The following PPP1R12A variants were observed in gnomAD, a reference collection of about 807,000 sequenced individuals.
PPP1R12A encodes myosin binding subunit.
A neutral mutation model predicts 139.6 loss-of-function variants in PPP1R12A; 19 were observed. The ratio of observed to expected loss-of-function variants is 0.14; its 90% CI spans 0.09 to 0.20. The LOEUF is 0.20. Among genes scored for constraint, PPP1R12A ranks in the 10% least tolerant of loss-of-function variants. The pLI is 1.00. For synonymous variants in PPP1R12A, 427 were observed against 420.6 expected, an observed-to-expected ratio of 1.02 and a Z score of -0.19; for missense variants, 925 against 1,211.5, an observed-to-expected ratio of 0.76 and a Z score of 3.51.
intron 1 of PPP1R12A, among the ~76,000 whole-genome samples, chr12:79,928,019 C>T (rs1204207295): frequency 1.3e-5 from 2 of 152,104 alleles, no homozygotes; most frequent in East Asian, 3.9e-4. Context: ...ATGGTAGTAA[C>T]AAAACAACGT....
chr12:79,824,607 CACTCATCAACTTA>C (rs1371900395), intron 5 of PPP1R12A, among the ~76,000 whole-genome samples: 4 of 152,164 alleles, frequency 2.6e-5, no homozygotes, highest in Non-Finnish European at 4.4e-5. Flanking sequence ...AAAAAAAGCA[CACTCATCAACTTA>C]ACTCATCAAC....
intron 2 of PPP1R12A, among the ~76,000 whole-genome samples, chr12:79,865,912 C>T (rs1410690549): frequency 1.3e-5 from 2 of 152,080 alleles, no homozygotes; most frequent in Non-Finnish European, 2.9e-5. Context: ...CTTATAGATT[C>T]AATGCTACCC....
chr12:79,812,425 G>A (rs112296888), intron 9 of PPP1R12A, among the ~76,000 whole-genome samples: 8 of 34,942 alleles, frequency 2.3e-4, no homozygotes, highest in Admixed American at 8.7e-4. Context: ...TGTGTGTAAC[G>A]TTCCTTATAC....
intron 23 of PPP1R12A, chr12:79,779,406 G>A (rs1463471335): frequency 1.7e-6 from 2 of 1,176,316 alleles, no homozygotes; most frequent in Non-Finnish European, 2.3e-6. Context: ...CTATTTCCAA[G>A]ACACTCTTTC....
At chr12:79,804,804 T>C (rs1415039268) in intron 14 of PPP1R12A, among the ~76,000 whole-genome samples, 2 of 152,158 alleles carry the variant, frequency 1.3e-5, no homozygotes, top group Non-Finnish European at 2.9e-5. Context: ...CTACTTTTCC[T>C]GCAATCTTGG....
At chr12:79,890,530 G>A (rs976538665) in intron 1 of PPP1R12A, among the ~76,000 whole-genome samples, 3 of 152,012 alleles carry the variant, frequency 2.0e-5, no homozygotes, top group Admixed American at 1.3e-4. Context: ...AATTTGAACC[G>A]TTACTTCAGT....
At chr12:79,797,468 A>G in intron 15 of PPP1R12A, 73 bp from the exon 16 acceptor site, 1 of 1,346,082 alleles carries the variant, frequency 7.4e-7, no homozygotes, top group Non-Finnish European at 1.0e-6. Flanking sequence ...TTAGAAATAG[A>G]TATATTACAT....
At chr12:79,858,586 A>G (rs1365307903) in intron 2 of PPP1R12A, among the ~76,000 whole-genome samples, 2 of 152,216 alleles carry the variant, frequency 1.3e-5, no homozygotes, top group Non-Finnish European at 2.9e-5. Flanking sequence ...CCTGAGCCTG[A>G]GCTCTTAACT....
At chr12:79,916,872 A>C (rs562863019) in intron 1 of PPP1R12A, among the ~76,000 whole-genome samples, 29 of 152,032 alleles carry the variant, frequency 1.9e-4, no homozygotes, top group African/African-American at 7.0e-4. Flanking sequence ...GGGAATAGCC[A>C]TTTAGGCATT....
At chr12:79,778,429 G>T in intron 24 of PPP1R12A, 121 bp downstream of exon 24, 1 of 660,174 alleles carries the variant, frequency 1.5e-6, no homozygotes, top group Non-Finnish European at 2.3e-6. Flanking sequence ...ACCAGATATA[G>T]ACAGTTCACA....
At chr12:79,876,655 C>T (rs981296651) in intron 1 of PPP1R12A, among the ~76,000 whole-genome samples, 2 of 152,162 alleles carry the variant, frequency 1.3e-5, no homozygotes, top group African/African-American at 4.8e-5. Context: ...AATAAATTTT[C>T]CTTAACTACC....
In PPP1R12A at chr12:79,809,405, T is replaced by C. The variant is rs555771240; in HGVS notation, c.1455+390A>G. On this transcript the variant is annotated intron_variant, in intron 10 of 24. Transcript: ENST00000450142. The stretch of plus-strand genomic sequence containing the variant: ...ATGGTAGATGAAAAATCTGGTATTT[T>C]TTTTCAGATACTGAATAAATGTAAC... Among the ~76,000 whole-genome samples the C allele has an allele frequency of 4.3e-4, 66 of 152,292 alleles. 1 individual carries two copies. The South Asian group carries it at 0.012, about 27-fold the overall frequency.
At chr12:79,862,653 G>A (rs540982199) in intron 2 of PPP1R12A, among the ~76,000 whole-genome samples, 3 of 152,150 alleles carry the variant, frequency 2.0e-5, no homozygotes, top group African/African-American at 4.8e-5. Context: ...ACCACAGTAC[G>A]AGAACTTCAT....
chr12:79,926,970 G>C (rs1379787999), intron 1 of PPP1R12A, among the ~76,000 whole-genome samples: 2 of 152,190 alleles, frequency 1.3e-5, no homozygotes, highest in Non-Finnish European at 2.9e-5. Flanking sequence ...GCTGAGGTGG[G>C]AGGATCACTT....
Position 79,872,911 on chromosome 12 carries a change from C to T in PPP1R12A, c.265G>A (p.Val89Met), listed in dbSNP as rs756487410. The T allele has an allele frequency of 1.2e-6, 2 of 1,613,072 alleles. No homozygotes were observed. Among genetic ancestry groups the T allele is most frequent in the African/African-American group, 1.3e-5 (1 of 74,854 alleles). Residue 89 changes from valine to methionine, a missense_variant, in exon 2 of 25, where the codon GTG becomes ATG. Physicochemically the swap from Val to Met is conservative, Grantham distance 21 (BLOSUM62 1). This residue lies in a region of PPP1R12A where 199 missense variants were observed against 352.4 expected (regional missense o/e 0.56). Transcript: ENST00000450142. ...QACIDDNVDM[V>M]KFLVENGANI... is the part of the protein sequence containing the mutation. ...GCTCCATTTTCTACCAGAAACTTCA[C>T]CATATCAACATTGTCATCAATGCAA...
At chr12:79,896,791 G>T (rs1885173021) in intron 1 of PPP1R12A, among the ~76,000 whole-genome samples, 1 of 151,924 alleles carries the variant, frequency 6.6e-6, no homozygotes, top group Non-Finnish European at 1.5e-5. Context: ...ATTCTATTTG[G>T]CACCAACTCA....
chr12:79,808,559 T>C lies in PPP1R12A; in HGVS notation c.1474A>G (p.Thr492Ala). Residue 492 changes from threonine (T) to alanine (A), a missense_variant, in exon 11 of 25, where the codon ACT becomes GCT. Physicochemically the swap from Thr to Ala is moderately conservative, Grantham distance 58. Coordinates refer to ENST00000450142, the MANE Select transcript of PPP1R12A (RefSeq NM_002480.3). ...GTAGGTGCAACATATGCAAGCCTAG[T>C]TCCTTTACTATCTTTCTCCTACACA... ...NKEKEKDSKGTRLAYVAPTIP... is the reference protein window; with the variant it reads ...NKEKEKDSKGARLAYVAPTIP... 1 of 1,605,270 alleles carries C rather than the reference T, an allele frequency of 6.2e-7. No homozygotes were observed. Among genetic ancestry groups the C allele is most frequent in the Non-Finnish European group, 8.5e-7 (1 of 1,173,382 alleles).
At position 79,831,966 on chromosome 12, in the gene PPP1R12A, C is replaced by T. The variant is rs114777906; in HGVS notation, c.647+366G>A. ...TTCTGCAGGAATCAAGCTCTCAAAA[C>T]TGATGGTATGTTCACAGGACATTGT... is the stretch of plus-strand genomic sequence containing the variant. On this transcript the variant is annotated intron_variant, in intron 4 of 24. Coordinates refer to ENST00000450142, the MANE Select transcript of PPP1R12A (RefSeq NM_002480.3). Among the ~76,000 whole-genome samples, 821 of 152,242 alleles carry T rather than the reference C, an allele frequency of 5.4e-3. 5 individuals carry two copies. Among genetic ancestry groups the T allele is most frequent in the African/African-American group, 0.019 (780 of 41,546 alleles).
At chr12:79,832,870 G>C (rs1877599543) in intron 3 of PPP1R12A, among the ~76,000 whole-genome samples, 1 of 151,932 alleles carries the variant, frequency 6.6e-6, no homozygotes, top group African/African-American at 2.4e-5. Flanking sequence ...TCTGTTCTAT[G>C]AAATCTAGCC....
Sources: gnomAD v4.1 joint callset for allele counts (sites outside exome capture counted in the v4.1 genomes callset) on GRCh38, gnomAD v4.1.1 for gene constraint, gnomAD v4.1.1 regional missense constraint, MANE v1.5 for transcripts, NCBI Gene and HGNC (gene_info 2026-07-23, HGNC 2026-07-21) for gene names.